The following RBFOX1 variants were observed in gnomAD, a reference collection of about 807,000 sequenced individuals.
The protein encoded by RBFOX1 is RNA binding protein fox-1 homolog 1.
RBFOX1 carries 8 observed loss-of-function variants against 57.7 expected under a neutral mutation model. The observed-to-expected ratio is 0.14, with a 90% CI of 0.08 to 0.25. The LOEUF is 0.25. RBFOX1 is among the 10% of genes least tolerant of loss of function. The pLI is 1.00. For synonymous variants in RBFOX1, 326 were observed against 222.4 expected, an observed-to-expected ratio of 1.47 and a Z score of -4.15; for missense variants, 611 against 548.5, an observed-to-expected ratio of 1.11 and a Z score of -1.14.
At chr16:5,699,370 CTTTTT>C (rs35259674) in intron 3 of RBFOX1, among the ~76,000 whole-genome samples, 1 of 138,962 alleles carries the variant, frequency 7.2e-6, no homozygotes, top group Admixed American at 7.1e-5. Flanking sequence ...CTTAATTTTC[CTTTTT>C]TTTTTTTTTC....
intron 4 of RBFOX1, among the ~76,000 whole-genome samples, chr16:5,873,436 G>T (rs2057528476): frequency 6.6e-6 from 1 of 152,320 alleles, no homozygotes; most frequent in South Asian, 2.1e-4. Flanking sequence ...TGCTTTGATA[G>T]TCATCTCCGT....
intron 4 of RBFOX1, among the ~76,000 whole-genome samples, chr16:7,277,792 C>G (rs999697951): frequency 6.6e-6 from 1 of 152,108 alleles, no homozygotes; most frequent in East Asian, 1.9e-4. Flanking sequence ...ACAGGAATAT[C>G]AGTTAAAATG....
chr16:7,111,520 G>C (rs1416265988), intron 4 of RBFOX1, among the ~76,000 whole-genome samples: 2 of 152,174 alleles, frequency 1.3e-5, no homozygotes, highest in Non-Finnish European at 2.9e-5. Flanking sequence ...TGGGGGAAGG[G>C]TGGTGAGAAA....
chr16:5,975,145 T>C (rs2060036191), intron 4 of RBFOX1, among the ~76,000 whole-genome samples: 1 of 152,246 alleles, frequency 6.6e-6, no homozygotes, highest in African/African-American at 2.4e-5. Context: ...ACTTAATAAA[T>C]CATGGCACAT....
At chr16:6,454,735 A>G (rs1045518454) in intron 2 of RBFOX1, among the ~76,000 whole-genome samples, 6 of 152,054 alleles carry the variant, frequency 3.9e-5, no homozygotes, top group African/African-American at 1.2e-4. Flanking sequence ...CTGTGGTTCA[A>G]AAATGAATTG....
intron 3 of RBFOX1, among the ~76,000 whole-genome samples, chr16:6,917,080 A>T (rs1268608231): frequency 1.3e-5 from 2 of 152,150 alleles, no homozygotes; most frequent in Non-Finnish European, 2.9e-5. Context: ...TGAACTCATG[A>T]TCTGAGGTTA....
intron 3 of RBFOX1, among the ~76,000 whole-genome samples, chr16:5,739,737 G>A (rs1028258119): frequency 1.3e-5 from 2 of 152,232 alleles, no homozygotes; most frequent in African/African-American, 2.4e-5. Context: ...AGGAAATCCT[G>A]TGTTGTAGAA....
intron 3 of RBFOX1, among the ~76,000 whole-genome samples, chr16:6,898,555 G>T (rs1324692279): frequency 1.3e-5 from 2 of 152,158 alleles, no homozygotes; most frequent in African/African-American, 4.8e-5. Flanking sequence ...CATGGATTCT[G>T]CTGTGTTACA....
chr16:5,469,991 T>G (rs1013939047), intron 2 of RBFOX1, among the ~76,000 whole-genome samples: 1 of 152,140 alleles, frequency 6.6e-6, no homozygotes, highest in Non-Finnish European at 1.5e-5. Flanking sequence ...GAGTTCCTGT[T>G]TTTGGTTCTT....
Position 6,193,549 on chromosome 16 carries a change from A to G in RBFOX1, c.-126-123446A>G, listed in dbSNP as rs554690621. Among the ~76,000 whole-genome samples, 32 of 150,836 alleles carry G rather than the reference A, an allele frequency of 2.1e-4. 1 individual carries two copies. Among genetic ancestry groups the G allele is most frequent in the Non-Finnish European group, 4.3e-4 (29 of 67,730 alleles). ...TAACCCTGGGAACCTCGGTTTCATC[A>G]ATGGCAAAGCAAAGATGCTAATAGG... On this transcript the variant is annotated intron_variant, in intron 1 of 15. Coordinates refer to ENST00000550418, the MANE Select transcript of RBFOX1 (RefSeq NM_018723.4).
intron 1 of RBFOX1, among the ~76,000 whole-genome samples, chr16:6,084,957 C>G (rs2096063248): frequency 6.6e-6 from 1 of 152,178 alleles, no homozygotes. Context: ...AAAAAAAGAG[C>G]TTGATAGTGA....
At chr16:7,673,782 G>A (rs1012217218) in intron 13 of RBFOX1, among the ~76,000 whole-genome samples, 3 of 152,164 alleles carry the variant, frequency 2.0e-5, no homozygotes, top group African/African-American at 7.2e-5. Context: ...AGAAATAAAT[G>A]TTTCATGAAT....
intron 4 of RBFOX1, among the ~76,000 whole-genome samples, chr16:7,451,658 A>G (rs538507353): frequency 6.6e-5 from 10 of 152,260 alleles, no homozygotes; most frequent in African/African-American, 2.2e-4. Flanking sequence ...ACCTGTCTTT[A>G]AATGAGTTGT....
intron 10 of RBFOX1, among the ~76,000 whole-genome samples, chr16:7,616,401 G>A (rs560899542): frequency 1.3e-5 from 2 of 152,100 alleles, no homozygotes; most frequent in South Asian, 2.1e-4. Flanking sequence ...TTTTGTTAGT[G>A]GTTACTCACA....
chr16:6,118,658 CTCCT>C (rs887139682), intron 1 of RBFOX1, among the ~76,000 whole-genome samples: 46 of 150,218 alleles, frequency 3.1e-4, no homozygotes, highest in African/African-American at 6.4e-4. Flanking sequence ...CTCTTTCCCT[CTCCT>C]TCCTTCCTTC....
intron 2 of RBFOX1, among the ~76,000 whole-genome samples, chr16:6,424,505 C>A (rs1232633183): frequency 6.6e-6 from 1 of 152,150 alleles, no homozygotes; most frequent in Admixed American, 6.5e-5. Context: ...AGGAATGCTA[C>A]TGCTCAGCAT....
intron 5 of RBFOX1, among the ~76,000 whole-genome samples, chr16:7,564,819 A>C (rs1373859670): frequency 2.0e-5 from 3 of 152,230 alleles, no homozygotes; most frequent in Admixed American, 1.3e-4. Flanking sequence ...AAGGAATAAA[A>C]ATAGCAAAGG....
intron 4 of RBFOX1, among the ~76,000 whole-genome samples, chr16:7,403,080 A>G (rs2098271570): frequency 6.6e-6 from 1 of 152,102 alleles, no homozygotes; most frequent in Non-Finnish European, 1.5e-5. Flanking sequence ...ACTTCTTTTT[A>G]TTTTCCCCCG....
rs115151621 is a variant in RBFOX1, at chr16:5,722,491, A to G, written c.318+123530A>G. ...ACAATTAGACTCAGCGCGATCATCT[A>G]TCCCCGTGTCCAGGTGTCCCCAGGG... On this transcript the variant is annotated intron_variant, in intron 3 of 19. Coordinates refer to the RBFOX1 transcript ENST00000641259. Among the ~76,000 whole-genome samples the G allele has an allele frequency of 3.1e-3, 477 of 152,314 alleles. 2 individuals are homozygous for G. The highest frequency in any genetic ancestry group is 0.01 in the African/African-American group (433 of 41,558).
Sources: allele counts gnomAD v4.1 joint callset (sites outside exome capture counted in the v4.1 genomes callset), GRCh38; gene constraint gnomAD v4.1.1; transcripts MANE v1.5; gene names NCBI Gene and HGNC (gene_info 2026-07-23, HGNC 2026-07-21).